Variants in NCOR2 observed in about 807,000 individuals in gnomAD.
NCOR2 encodes CTG repeat protein 26.
A neutral mutation model predicts 262.9 loss-of-function variants in NCOR2; 81 were observed. The ratio of observed to expected loss-of-function variants is 0.31; its 90% confidence interval spans 0.26 to 0.37. The LOEUF (loss-of-function observed/expected upper bound fraction) is 0.37, where lower values mean the gene tolerates loss of function less well. NCOR2 is among the 10% of genes least tolerant of loss of function. The pLI is 1.00. For synonymous variants in NCOR2, 1,659 were observed against 1,559.3 expected, an observed-to-expected ratio of 1.06 and a Z score of -1.51; for missense variants, 3,385 against 3,621.4, an observed-to-expected ratio of 0.93 and a Z score of 1.68.
At chr12:124,529,063 C>T (rs891273072) in intron 1 of NCOR2, among the ~76,000 whole-genome samples, 1 of 151,470 alleles carries the variant, frequency 6.6e-6, no homozygotes, top group African/African-American at 2.4e-5. Context: ...CCTATAATCC[C>T]AGCTTCTAGG....
At chr12:124,364,143 TC>T (rs1340754097) in intron 20 of NCOR2, among the ~76,000 whole-genome samples, 1 of 151,672 alleles carries the variant, frequency 6.6e-6, no homozygotes, top group Non-Finnish European at 1.5e-5. Flanking sequence ...GGATCAAACA[TC>T]CCCAAAGACA....
chr12:124,407,279 G>T (rs977210145), intron 13 of NCOR2, among the ~76,000 whole-genome samples: 1 of 152,212 alleles, frequency 6.6e-6, no homozygotes, highest in Non-Finnish European at 1.5e-5. Context: ...CCGGTGACGA[G>T]GACACATTCA....
intron 37 of NCOR2, among the ~76,000 whole-genome samples, chr12:124,337,816 G>C (rs941769207): frequency 1.3e-5 from 2 of 152,190 alleles, no homozygotes; most frequent in Non-Finnish European, 2.9e-5. Flanking sequence ...GCTGGAACAG[G>C]AGCCGGCTGC....
chr12:124,420,580 G>A (rs1255231758), intron 12 of NCOR2, among the ~76,000 whole-genome samples: 5 of 152,108 alleles, frequency 3.3e-5, no homozygotes, highest in East Asian at 1.9e-4. Context: ...CGCCCCACGC[G>A]CCTCTTCCTG....
chr12:124,385,968 A>C, intron 16 of NCOR2, 81 bp from the exon 19 acceptor site: 1 of 1,519,054 alleles, frequency 6.6e-7, no homozygotes, highest in Non-Finnish European at 8.8e-7. Context: ...TGGGCGGCAA[A>C]CGGGCCTGGA....
chr12:124,334,557 C>T (rs780918834), exon 41 of NCOR2: 7 of 1,405,748 alleles, frequency 5.0e-6, no homozygotes, highest in African/African-American at 4.5e-5. Context: ...TAGAGGGGGG[C>T]GGGCAGGGGT....
exon 2 of NCOR2, chr12:124,486,489 T>G (rs2047772887): frequency 5.6e-6 from 9 of 1,610,934 alleles, no homozygotes; most frequent in Middle Eastern, 3.3e-4. Flanking sequence ...CCTCCGCCGC[T>G]GGGGCTGGAT....
intron 10 of NCOR2, among the ~76,000 whole-genome samples, chr12:124,427,595 C>G (rs1055265619): frequency 2.6e-5 from 4 of 152,222 alleles, no homozygotes; most frequent in African/African-American, 9.7e-5. Flanking sequence ...GCAGGACTCC[C>G]AGCCAGGGGT....
chr12:124,502,548 C>T (rs2048804121), intron 1 of NCOR2, among the ~76,000 whole-genome samples: 1 of 152,136 alleles, frequency 6.6e-6, no homozygotes, highest in South Asian at 2.1e-4. Context: ...GCAGGCACAG[C>T]AGGTGCAAAG....
intron 34 of NCOR2, among the ~76,000 whole-genome samples, chr12:124,341,380 C>T (rs2036444673): frequency 6.6e-6 from 1 of 152,158 alleles, no homozygotes; most frequent in African/African-American, 2.4e-5. Flanking sequence ...GCTGGGACTA[C>T]AGGTGCGCAT....
At chr12:124,380,940 G>A (rs1004291132) in intron 17 of NCOR2, among the ~76,000 whole-genome samples, 2 of 152,112 alleles carry the variant, frequency 1.3e-5, no homozygotes, top group Admixed American at 6.5e-5. Flanking sequence ...TAGAATAGGA[G>A]ATGCTAGTGA....
chr12:124,530,676 G>A (rs1406485770), intron 1 of NCOR2, among the ~76,000 whole-genome samples: 1 of 152,148 alleles, frequency 6.6e-6, no homozygotes, highest in Non-Finnish European at 1.5e-5. Context: ...AGGTCACGTA[G>A]GGCACTGTGC....
rs1226206569 is a variant in NCOR2, at chr12:124,566,145, ATCCT to A, written c.-165+1159_-165+1162del. ...TCCTCCCCTCTTCCCTCCCTCACAC[ATCCT>A]TCCTCCAAATCTGCAAAAAGGGAAA... On this transcript the variant is annotated intron_variant, in intron 1 of 32. Coordinates refer to the NCOR2 transcript ENST00000458234. The surrounding 1 kb of genome is among the most constrained non-coding windows in gnomAD (Gnocchi z 4.3). Among the ~76,000 whole-genome samples the A allele has an allele frequency of 2.0e-5, 3 of 151,074 alleles. No homozygotes were observed. Among genetic ancestry groups the A allele is most frequent in the Non-Finnish European group, 4.4e-5 (3 of 67,762 alleles).
At position 124,336,291 on chromosome 12, in the gene NCOR2, C is replaced by A. The variant is rs530216366; in HGVS notation, c.6115+462G>T. The A allele has an allele frequency of 1.6e-4, 26 of 167,588 alleles. No individual in the cohort carries two copies. In the South Asian group the frequency reaches 3.8e-3, roughly 24 times the overall value. The allele number at this position is 167,588 out of a possible 1,614,324, so 10.4% of individuals were successfully genotyped here. On this transcript the variant is annotated intron_variant, in intron 38 of 46. Transcript: ENST00000405201. ...GGCAGCCGGCAGGTGGGGGCGTAGG[C>A]CCGAGCCCTCCCGCAGCCCCATCCC...
intron 5 of NCOR2, among the ~76,000 whole-genome samples, chr12:124,461,612 C>T (rs57062752): frequency 0.019 from 2,897 of 152,340 alleles, 92 homozygotes; most frequent in African/African-American, 0.066. Flanking sequence ...CACATGTCCA[C>T]ACACATCAAG....
In NCOR2 at chr12:124,335,263, C is replaced by G. The variant is rs762727758; in HGVS notation, c.6283G>C (p.Gly2095Arg). ...AGGTGTGGGAGGTGGGCGGCCTCCC[C>G]GCCAAGCTTCACGGGGCCTGCAGGC... Residue 2095 changes from glycine (G) to arginine (R), a missense_variant, in exon 40 of 47, where the codon GGG becomes CGG. Gly to Arg is a moderately radical substitution (Grantham distance 125, BLOSUM62 -2). Coordinates refer to ENST00000405201, the Ensembl canonical transcript of NCOR2. 1.9e-6 allele frequency: 3 copies of G among 1,603,572 alleles called. No homozygotes were observed. In the Admixed American group the frequency reaches 5.1e-5, roughly 27 times the overall value.
chr12:124,450,074 G>A (rs1482036050), intron 6 of NCOR2, among the ~76,000 whole-genome samples: 1 of 152,158 alleles, frequency 6.6e-6, no homozygotes, highest in Non-Finnish European at 1.5e-5. Flanking sequence ...AACAGCTGTG[G>A]GTACTGTGAC....
intron 7 of NCOR2, among the ~76,000 whole-genome samples, chr12:124,442,704 C>T (rs1233849800): frequency 1.3e-5 from 2 of 152,084 alleles, no homozygotes; most frequent in Admixed American, 6.5e-5. Flanking sequence ...GGAATGTCAC[C>T]CCCAACCCCA....
intron 8 of NCOR2, among the ~76,000 whole-genome samples, chr12:124,433,931 G>A (rs1038309759): frequency 5.5e-5 from 7 of 126,900 alleles, no homozygotes; most frequent in Non-Finnish European, 1.0e-4. Context: ...GACTGGAGCC[G>A]TCCCCCTCCC....
Sources: allele counts gnomAD v4.1 joint callset (sites outside exome capture counted in the v4.1 genomes callset), GRCh38; gene constraint gnomAD v4.1.1; non-coding constraint Gnocchi (gnomAD v3.1); transcripts MANE v1.5; gene names NCBI Gene and HGNC (gene_info 2026-07-23, HGNC 2026-07-21).